STK3: variants seen among roughly 807,000 people sequenced by gnomAD.
STK3 encodes serine/threonine-protein kinase 3.
Under a neutral mutation model 58.0 loss-of-function variants are expected in STK3, and 41 were observed. The ratio of observed to expected loss-of-function variants is 0.71; its 90% CI spans 0.55 to 0.92. The LOEUF (loss-of-function observed/expected upper bound fraction) is 0.92. STK3 is among the 40% of genes least tolerant of loss of function. The probability of loss-of-function intolerance (pLI) is 0.00; values close to 1 mark genes in which losing one functional copy is unlikely to be tolerated. For synonymous variants in STK3, 170 were observed against 191.0 expected (o/e 0.89, Z 0.91); for missense variants, 479 against 602.7 (o/e 0.79, Z 2.15).
intron 1 of STK3, among the ~76,000 whole-genome samples, chr8:98,821,239 T>C (rs907580912): frequency 1.3e-5 from 2 of 152,158 alleles, no homozygotes; most frequent in Non-Finnish European, 1.5e-5. Context: ...CCTATTGTGC[T>C]GTGCATGCAA....
intron 4 of STK3, among the ~76,000 whole-genome samples, chr8:98,730,715 CAAAAAAAAAAAA>C (rs36085293): frequency 1.5e-5 from 1 of 66,382 alleles, no homozygotes; most frequent in Non-Finnish European, 2.8e-5. Context: ...GACTCCGTCT[CAAAAAAAAAAAA>C]AAAAAAAAAA....
At chr8:98,388,939 A>C (rs762963764), upstream of STK3, among the ~76,000 whole-genome samples, 4 of 152,244 alleles carry the variant, frequency 2.6e-5, no homozygotes, top group Non-Finnish European at 4.4e-5. Flanking sequence ...TTACTGAGAA[A>C]GTCATTGAAT....
chr8:98,351,312 C>T, the STK3 span, among the ~76,000 whole-genome samples: 154 of 152,234 alleles, frequency 1.0e-3, 1 homozygote, highest in East Asian at 0.014. Context: ...TATAATGGCT[C>T]CATGTCCTGA....
intron 1 of STK3, among the ~76,000 whole-genome samples, chr8:98,794,575 C>T (rs1348448163): frequency 4.6e-5 from 7 of 152,032 alleles, no homozygotes; most frequent in East Asian, 1.9e-4. Flanking sequence ...GATTTACAGC[C>T]GAATTCTATC....
intron 3 of STK3, chr8:98,413,676 G>C: frequency 1.1e-6 from 1 of 945,426 alleles, no homozygotes; most frequent in South Asian, 1.3e-5. Context: ...GAACTCTACA[G>C]TGTGCACCAC....
intron 6 of STK3, among the ~76,000 whole-genome samples, chr8:98,628,185 G>C (rs1818880015): frequency 6.6e-6 from 1 of 152,142 alleles, no homozygotes; most frequent in African/African-American, 2.4e-5. Context: ...GAAATTCTGA[G>C]ACAGAACTTG....
intron 1 of STK3, among the ~76,000 whole-genome samples, chr8:98,899,144 G>A (rs78460514): frequency 0.071 from 10,822 of 152,234 alleles, 572 homozygotes; most frequent in African/African-American, 0.15. Flanking sequence ...ATTTAAGAAT[G>A]TCAGGATCAT....
At position 98,807,628 on chromosome 8, in the gene STK3, A is replaced by C. The variant is rs1034433069; in HGVS notation, c.26+17887T>G. ...GAGTACAAAAATTCCAAGTCTCAAA[A>C]GTATTTGTGGGTCATTTCAATCAAA... On this transcript the variant is annotated intron_variant, in intron 1 of 10. Transcript: ENST00000419617. Among the ~76,000 whole-genome samples the C allele has an allele frequency of 5.6e-4, 85 of 152,350 alleles. 1 individual carries two copies. The highest frequency in any genetic ancestry group is 1.7e-3 in the African/African-American group (72 of 41,570).
chr8:98,878,412 C>T (rs890509362), intron 3 of STK3, among the ~76,000 whole-genome samples: 1 of 152,110 alleles, frequency 6.6e-6, no homozygotes, highest in Admixed American at 6.6e-5. Context: ...ATAAAGCAAC[C>T]TTTTTGGATT....
chr8:98,446,037 C>T (rs1265234585), intron 1 of STK3, among the ~76,000 whole-genome samples: 2 of 152,216 alleles, frequency 1.3e-5, no homozygotes, highest in Non-Finnish European at 2.9e-5. Flanking sequence ...ACAAACTACC[C>T]TCACTGCTTT....
intron 3 of STK3, among the ~76,000 whole-genome samples, chr8:98,858,283 T>C (rs1434710027): frequency 9.3e-6 from 1 of 107,872 alleles, no homozygotes; most frequent in South Asian, 3.4e-4. Context: ...AGTATATACA[T>C]ACATACGTAT....
intron 3 of STK3, among the ~76,000 whole-genome samples, chr8:98,855,683 T>A (rs187964596): frequency 1.3e-5 from 2 of 152,230 alleles, no homozygotes; most frequent in African/African-American, 4.8e-5. Flanking sequence ...CATTAAGAAC[T>A]TTTGTGTTGA....
chr8:98,572,119 G>A (rs1189986783), intron 8 of STK3, among the ~76,000 whole-genome samples: 2 of 152,132 alleles, frequency 1.3e-5, no homozygotes, highest in Admixed American at 6.5e-5. Context: ...TCAAGTACCT[G>A]TACAATATTC....
intron 4 of STK3, among the ~76,000 whole-genome samples, chr8:98,747,051 A>G (rs1829688455): frequency 6.6e-6 from 1 of 151,802 alleles, no homozygotes; most frequent in African/African-American, 2.4e-5. Flanking sequence ...CAGAAAAAGG[A>G]AAAAAGAAAA....
chr8:98,612,953 T>C (rs1213123491), intron 6 of STK3, among the ~76,000 whole-genome samples: 1 of 152,212 alleles, frequency 6.6e-6, no homozygotes, highest in Admixed American at 6.5e-5. Flanking sequence ...GAACCTGTAC[T>C]TCCTCTCCAA....
chr8:98,573,457 A>T (rs1176354795), intron 8 of STK3, among the ~76,000 whole-genome samples: 1 of 151,838 alleles, frequency 6.6e-6, no homozygotes, highest in Non-Finnish European at 1.5e-5. Context: ...TCACTATCAC[A>T]AGAACGGGGT....
At chr8:98,559,424 T>C (rs1811841596) in intron 8 of STK3, among the ~76,000 whole-genome samples, 2 of 152,150 alleles carry the variant, frequency 1.3e-5, no homozygotes, top group Admixed American at 6.6e-5. Context: ...AGAGGAGCAC[T>C]TGCCAAACTG....
At chr8:98,454,301 G>A (rs1166309060), downstream of STK3, among the ~76,000 whole-genome samples, 1 of 152,136 alleles carries the variant, frequency 6.6e-6, no homozygotes, top group Non-Finnish European at 1.5e-5. Flanking sequence ...TCTGAATACT[G>A]GGTTGTGGCC....
upstream of STK3, among the ~76,000 whole-genome samples, chr8:98,392,782 ACTT>A (rs542965987): frequency 4.9e-4 from 74 of 152,266 alleles, no homozygotes; most frequent in Middle Eastern, 3.4e-3. Flanking sequence ...GGGGCTTTCC[ACTT>A]CTTCTCCTGT....
Sources: gnomAD v4.1 joint callset for allele counts (sites outside exome capture counted in the v4.1 genomes callset) on GRCh38, gnomAD v4.1.1 for gene constraint, MANE v1.5 for transcripts, NCBI Gene and HGNC (gene_info 2026-07-23, HGNC 2026-07-21) for gene names.